The following TKTL1 variants were observed in gnomAD, a reference collection of about 807,000 sequenced individuals.
TKTL1 encodes transketolase like 1, also known as transketolase-like protein 1.
TKTL1 carries 1 observed loss-of-function variant against 39.3 expected under a neutral mutation model. That is an observed-to-expected ratio of 0.03 (90% confidence interval 0.01 to 0.12). The LOEUF (loss-of-function observed/expected upper bound fraction) is 0.12. Ranked by LOEUF, TKTL1 falls within the 10% of genes least tolerant of loss-of-function variation. TKTL1 has a pLI of 1.00. For synonymous variants in TKTL1, 262 were observed against 193.8 expected (o/e 1.35, Z -2.92); for missense variants, 575 against 509.6 (o/e 1.13, Z -1.24).
intron 7 of TKTL1, among the ~76,000 whole-genome samples, chrX:154,317,706 T>G (rs2067412318): frequency 9.0e-6 from 1 of 111,025 alleles, no homozygotes; most frequent in African/African-American, 3.3e-5. Flanking sequence ...AGCTGTGGAG[T>G]CGGAGGGAAG....
intron 6 of TKTL1, 85 bp from the exon 7 acceptor site, chrX:154,315,088 C>T: frequency 2.0e-6 from 2 of 992,856 alleles, no homozygotes; most frequent in Non-Finnish European, 2.7e-6. Flanking sequence ...ATTTGTCATT[C>T]TACAATATGG....
intron 2 of TKTL1, among the ~76,000 whole-genome samples, chrX:154,306,412 T>C (rs1341703750): frequency 1.8e-5 from 2 of 111,604 alleles, no homozygotes; most frequent in Admixed American, 1.9e-4. Flanking sequence ...AGTAAGTGCC[T>C]AAAGGTCATA....
At chrX:154,300,507 G>A (rs1353018432) in intron 1 of TKTL1, among the ~76,000 whole-genome samples, 1 of 111,670 alleles carries the variant, frequency 9.0e-6, no homozygotes, top group Non-Finnish European at 1.9e-5. Context: ...ATATTCCTAG[G>A]GTGGGTTTTA....
chrX:154,315,104 T>A (rs781960187), intron 6 of TKTL1, 69 bp from the exon 7 acceptor site: 24 of 1,055,448 alleles, frequency 2.3e-5, no homozygotes, highest in Non-Finnish European at 3.1e-5. Flanking sequence ...TATGGTACCT[T>A]CCTTCTGTAG....
intron 1 of TKTL1, among the ~76,000 whole-genome samples, chrX:154,303,012 T>A (rs1401137970): frequency 9.1e-6 from 1 of 110,321 alleles, no homozygotes; most frequent in African/African-American, 3.3e-5. Flanking sequence ...ATTTCTGTTT[T>A]GAGCCATCAC....
At chrX:154,315,598 CTCTGAGCCTCGAACCA>C (rs1341693411) in intron 7 of TKTL1, among the ~76,000 whole-genome samples, 1 of 111,172 alleles carries the variant, frequency 9.0e-6, no homozygotes, top group Non-Finnish European at 1.9e-5. Flanking sequence ...ACAGTGGGTC[CTCTGAGCCTCGAACCA>C]TCTGAACCCA....
In TKTL1 at chrX:154,315,179, A is replaced by G. The variant is rs1160687358; in HGVS notation, c.871A>G (p.Thr291Ala). The G allele has an allele frequency of 1.7e-6, 2 of 1,208,104 alleles. No individual in the cohort carries two copies. The highest frequency in any genetic ancestry group is 2.2e-6 in the Non-Finnish European group (2 of 894,216). Residue 291 changes from threonine (T) to alanine (A), a missense_variant, in exon 7 of 13, where the codon ACT becomes GCT. Thr to Ala is a moderately conservative substitution (Grantham distance 58). Transcript: ENST00000369915. ...GATTGTCTCTGTCTTCTAGATAGCTACTCGGAAAGCATGCGGTCTGGCTCT... is the reference window on the plus strand; with the variant it reads ...GATTGTCTCTGTCTTCTAGATAGCTGCTCGGAAAGCATGCGGTCTGGCTCT... ...PDYRVGDKIA[T>A]RKACGLALAK...
chrX:154,327,173 T>G (rs1448673885), intron 10 of TKTL1: 11 of 261,594 alleles, frequency 4.2e-5, no homozygotes, highest in Admixed American at 5.0e-5. Context: ...GCTCTGAGAT[T>G]TGCTTTCCTC....
chrX:154,325,233 A>C, intron 9 of TKTL1, 106 bp from the exon 10 acceptor site: 1 of 758,831 alleles, frequency 1.3e-6, no homozygotes, highest in East Asian at 3.2e-5. Flanking sequence ...CTGTGTTTTT[A>C]GTAGAAAGAG....
chrX:154,327,951 C>T lies in TKTL1; in HGVS notation c.1611C>T (p.Tyr537=). Residue 537 remains tyrosine, a synonymous_variant, in exon 12 of 13, where the codon TAC becomes TAT. Transcript: ENST00000369915. ...GGATCATTACAGTGGAGGATCACTA[C>T]CCGCAAGGTGTGTGTGGGCATTGAG... ...EGRIITVEDH[Y]PQGGIGEAVC... The T allele has an allele frequency of 8.3e-7, 1 of 1,211,622 alleles. No homozygotes were observed. Among genetic ancestry groups the T allele is most frequent in the South Asian group, 1.8e-5 (1 of 56,890 alleles).
At chrX:154,323,472 C>CAA in intron 9 of TKTL1, 135 bp downstream of exon 9, 1 of 736,071 alleles carries the variant, frequency 1.4e-6, no homozygotes, top group African/African-American at 2.2e-5. Context: ...GAATTCTTTA[C>CAA]AAAAAAAACA....
chrX:154,318,426 G>T (rs1454472078), intron 7 of TKTL1, among the ~76,000 whole-genome samples: 3 of 109,144 alleles, frequency 2.7e-5, no homozygotes, highest in African/African-American at 1.0e-4. Flanking sequence ...CAGGCCGGGT[G>T]CGGTGGCTCA....
intron 12 of TKTL1, among the ~76,000 whole-genome samples, chrX:154,329,080 G>T (rs1207817083): frequency 8.9e-6 from 1 of 112,465 alleles, no homozygotes; most frequent in African/African-American, 3.2e-5. Context: ...CAGCAGGAAA[G>T]CAGGTGCTCA....
At position 154,325,336 on chromosome X, in the gene TKTL1, T is replaced by C; in HGVS notation, c.1318-3T>C. On this transcript the variant is annotated splice_polypyrimidine_tract_variant and splice_region_variant and intron_variant, in intron 9 of 12. Coordinates refer to ENST00000369915, the MANE Select transcript of TKTL1 (RefSeq NM_012253.4). ...CTAAACCATGGCTCCATTTATGCCC[T>C]AGGGGATGTGCTTCATTCGGACCAC... 5.0e-6 allele frequency: 6 copies of C among 1,208,821 alleles called. No individual in the cohort carries two copies. The South Asian group carries it at 7.0e-5, about 14-fold the overall frequency.
At chrX:154,302,258 C>A (rs1164983035) in intron 1 of TKTL1, among the ~76,000 whole-genome samples, 1 of 110,644 alleles carries the variant, frequency 9.0e-6, no homozygotes, top group South Asian at 3.8e-4. Context: ...GTCCAATAGT[C>A]CTAAGAAATT....
intron 2 of TKTL1, among the ~76,000 whole-genome samples, chrX:154,307,975 G>A (rs1209337545): frequency 3.6e-5 from 4 of 111,895 alleles, no homozygotes; most frequent in African/African-American, 1.3e-4. Flanking sequence ...AGTAGCAGAG[G>A]GTAGGAAGCA....
At chrX:154,318,633 G>A (rs1173927947) in intron 7 of TKTL1, among the ~76,000 whole-genome samples, 4 of 105,536 alleles carry the variant, frequency 3.8e-5, no homozygotes, top group East Asian at 5.8e-4. Flanking sequence ...GCGTGAACCC[G>A]GGAGGCAGAG....
chrX:154,313,088 T>C (rs1479848356), intron 6 of TKTL1, among the ~76,000 whole-genome samples: 1 of 112,145 alleles, frequency 8.9e-6, no homozygotes, highest in Non-Finnish European at 1.9e-5. Flanking sequence ...TCACCACTCC[T>C]GGCTCCCCTT....
chrX:154,296,034 G>T, intron 1 of TKTL1, 41 bp downstream of exon 1: 2 of 1,197,493 alleles, frequency 1.7e-6, no homozygotes, highest in Non-Finnish European at 2.3e-6. Flanking sequence ...GCAGGGCCAC[G>T]GGCCCGGTGG....
Sources: gnomAD v4.1 joint callset for allele counts (sites outside exome capture counted in the v4.1 genomes callset) on GRCh38, gnomAD v4.1.1 for gene constraint, MANE v1.5 for transcripts, NCBI Gene and HGNC (gene_info 2026-07-23, HGNC 2026-07-21) for gene names.